The following WNK2 variants were observed in gnomAD, a reference collection of about 807,000 sequenced individuals.
The protein encoded by WNK2 is WNK lysine deficient protein kinase 2, also known as serine/threonine-protein kinase WNK2.
WNK2 carries 67 observed loss-of-function variants against 192.1 expected under a neutral mutation model. The observed-to-expected ratio is 0.35, with a 90% CI of 0.29 to 0.43. WNK2 has a LOEUF of 0.43. WNK2 is among the 20% of genes least tolerant of loss of function. WNK2 has a pLI of 1.00. For synonymous variants in WNK2, 1,439 were observed against 1,393.9 expected (o/e 1.03, Z -0.72); for missense variants, 2,698 against 3,089.7 (o/e 0.87, Z 3.01).
intron 19 of WNK2, among the ~76,000 whole-genome samples, chr9:93,283,995 A>G (rs1045151869): frequency 6.6e-6 from 1 of 152,252 alleles, no homozygotes; most frequent in African/African-American, 2.4e-5. Context: ...ATAGTTGAAG[A>G]AAAGGCAGTG....
At chr9:93,199,034 C>G (rs1463386122) in intron 2 of WNK2, among the ~76,000 whole-genome samples, 1 of 152,242 alleles carries the variant, frequency 6.6e-6, no homozygotes, top group Non-Finnish European at 1.5e-5. Context: ...CCCCCTCCAG[C>G]TGGACCCAGG....
chr9:93,289,273 G>T lies in WNK2; in HGVS notation c.4519G>T (p.Val1507Phe), dbSNP rs370831209. The T allele has an allele frequency of 6.3e-7, 1 of 1,599,480 alleles. No individual in the cohort carries two copies. Among genetic ancestry groups the T allele is most frequent in the African/African-American group, 1.3e-5 (1 of 74,794 alleles). The change falls in exon 20 of 30, where the codon GTC becomes TTC. Residue 1507 changes from valine (V) to phenylalanine (F), a missense_variant. Transcript: ENST00000427277. The part of the protein sequence containing the change: ...APLLPAAVGA[V>F]SLATSQLPSP... ...CCTGCTTCCTGCCGCAGTGGGGGCC[G>T]TCAGCCTGGCCACCTCCCAGCTCCC...
chr9:93,243,906 G>A (rs1414850008), intron 7 of WNK2, among the ~76,000 whole-genome samples: 1 of 152,266 alleles, frequency 6.6e-6, no homozygotes, highest in Non-Finnish European at 1.5e-5. Context: ...AGAGACACTA[G>A]CACCTGGCTC....
chr9:93,256,979 C>T lies in WNK2; in HGVS notation c.2222C>T (p.Pro741Leu), dbSNP rs761013525. ...PPPLAQPTPL[P>L]QVLAPQPVVP... ...CCGCTGGCCCAGCCGACACCCCTGC[C>T]GCAGGTCCTGGCCCCACAGCCCGTG... The change falls in exon 11 of 30, where the codon CCG (proline) becomes CTG (leucine). Residue 741 changes from proline to leucine, a missense_variant. Pro to Leu is a moderately conservative substitution (Grantham distance 98, BLOSUM62 -3). This residue lies in a region of WNK2 where 893 missense variants were observed against 909.0 expected (regional missense o/e 0.98). Transcript: ENST00000427277. 1.3e-5 allele frequency: 21 copies of T among 1,589,616 alleles called. No homozygotes were observed. The highest frequency in any genetic ancestry group is 2.3e-5 in the East Asian group (1 of 43,820).
intron 16 of WNK2, among the ~76,000 whole-genome samples, chr9:93,264,999 G>C (rs1231021974): frequency 6.6e-6 from 1 of 152,236 alleles, no homozygotes; most frequent in East Asian, 1.9e-4. Context: ...TGTGGGCTTT[G>C]CAGGGGGAAG....
At position 93,259,675 on chromosome 9, in the gene WNK2, G is replaced by C; in HGVS notation, c.3066+61G>C. The C allele has an allele frequency of 3.5e-6, 5 of 1,420,776 alleles. No homozygotes were observed. Among genetic ancestry groups the C allele is most frequent in the Non-Finnish European group, 4.6e-6 (5 of 1,076,034 alleles). 88.0% of individuals were successfully genotyped at this position (1,420,776 alleles called of 1,614,324 possible). ...CGTCTGGGGACCCTCAGGACCCAGA[G>C]ATGCAAAGGAGGACAGAGGCAGGCA... On this transcript the variant is annotated intron_variant, in intron 12 of 29. Coordinates refer to ENST00000427277, the MANE Select transcript of WNK2 (RefSeq NM_006648.4). This position sits in a 1 kb window ranked among gnomAD's most constrained non-coding sequence, Gnocchi z 4.8.
chr9:93,289,900 G>A, intron 20 of WNK2, 78 bp from the exon 21 acceptor site: 3 of 1,410,156 alleles, frequency 2.1e-6, no homozygotes, highest in South Asian at 2.5e-5. Context: ...GATGAGGGGA[G>A]TGGATTTGCA....
rs1016051655 is a variant in WNK2 at position 93,257,812 on chromosome 9, A to G, written c.2382+673A>G. 2.6e-5 allele frequency among the ~76,000 whole-genome samples: 4 copies of G among 152,190 alleles called. No homozygotes were observed. Among genetic ancestry groups the G allele is most frequent in the African/African-American group, 4.8e-5 (2 of 41,444 alleles). ...ACTTCTGCTGTCTTTCTCTGGGTAC[A>G]CTGTCTTTCACTCGAGGGACCTGAC... On this transcript the variant is annotated intron_variant, in intron 11 of 29. Coordinates refer to ENST00000427277, the MANE Select transcript of WNK2 (RefSeq NM_006648.4). The surrounding 1 kb of genome is among the most constrained non-coding windows in gnomAD (Gnocchi z 4.7).
chr9:93,234,346 C>G (rs150410960), intron 4 of WNK2, among the ~76,000 whole-genome samples: 47 of 152,312 alleles, frequency 3.1e-4, no homozygotes, highest in African/African-American at 1.1e-3. Context: ...CAGCCTTTCC[C>G]CACTTTGGGA....
At chr9:93,306,511 T>A (rs1852575722) in intron 26 of WNK2, 2 of 441,034 alleles carry the variant, frequency 4.5e-6, no homozygotes, top group Non-Finnish European at 8.0e-6. Context: ...TTTCTTAGAA[T>A]ATGCTTCTAG....
At chr9:93,241,633 C>T (rs898485892) in intron 7 of WNK2, among the ~76,000 whole-genome samples, 7 of 151,948 alleles carry the variant, frequency 4.6e-5, no homozygotes, top group African/African-American at 1.7e-4. Flanking sequence ...AGGTCTGACT[C>T]GGGTGTGGAA....
Position 93,306,757 on chromosome 9 carries a change from C to T in WNK2, c.6215-20C>T, listed in dbSNP as rs773153050. 2.2e-5 allele frequency: 35 copies of T among 1,613,916 alleles called. No homozygotes were observed. Among genetic ancestry groups the T allele is most frequent in the Middle Eastern group, 1.6e-4 (1 of 6,084 alleles). ...TCTGCCTAACCCTGTGGTCTTGTGTCGTTTCTTTTTCCCTTGCAGGGTCTG... is the reference window on the plus strand; with the variant it reads ...TCTGCCTAACCCTGTGGTCTTGTGTTGTTTCTTTTTCCCTTGCAGGGTCTG... On this transcript the variant is annotated intron_variant, in intron 26 of 29. Coordinates refer to ENST00000427277, the MANE Select transcript of WNK2 (RefSeq NM_006648.4).
intron 27 of WNK2, 101 bp downstream of exon 27, chr9:93,306,922 G>A (rs1268565370): frequency 2.0e-6 from 3 of 1,468,458 alleles, no homozygotes; most frequent in Non-Finnish European, 9.5e-7. Context: ...GCGTGGGCCT[G>A]CCCTGTGCCT....
At chr9:93,226,395 T>C (rs1837824681) in intron 2 of WNK2, among the ~76,000 whole-genome samples, 1 of 152,262 alleles carries the variant, frequency 6.6e-6, no homozygotes, top group South Asian at 2.1e-4. Context: ...TGTCTCTTAA[T>C]GTTTCTCTTC....
At chr9:93,299,955 A>T in intron 25 of WNK2, 96 bp from the exon 26 acceptor site, 1 of 974,102 alleles carries the variant, frequency 1.0e-6, no homozygotes, top group Middle Eastern at 2.2e-4. Context: ...ATGTTAAGTG[A>T]CGAGGCTGGT....
At position 93,268,009 on chromosome 9, in the gene WNK2, A is replaced by G; in HGVS notation, c.3868-11A>G. ...TCAGTGGGCTCATTTCTGACCCTCC[A>G]CCTCATTCAGGAGAGCCGACAATCC... On this transcript the variant is annotated splice_polypyrimidine_tract_variant and intron_variant, in intron 17 of 29. Transcript: ENST00000427277. 2 of 1,610,770 alleles carry G rather than the reference A, an allele frequency of 1.2e-6. No homozygotes were observed. The highest frequency in any genetic ancestry group is 1.7e-6 in the Non-Finnish European group (2 of 1,178,700).
rs750362035 is a variant in WNK2 at position 93,256,379 on chromosome 9, C to T, written c.2115C>T (p.Ser705=). ...LQQHFPDPAM[S]FAPVLPPPST... is the part of the protein sequence containing the mutation. ...AGCACTTCCCGGATCCGGCCATGAG[C>T]TTCGCCCCCGTGCTGCCGCCGCCCA... is the stretch of plus-strand genomic sequence containing the variant. The change falls in exon 10 of 30, where the codon AGC becomes AGT. Residue 705 remains serine (S), a synonymous_variant. Transcript: ENST00000427277. 6.4e-7 allele frequency: 1 copy of T among 1,569,344 alleles called. No homozygotes were observed. The highest frequency in any genetic ancestry group is 8.6e-7 in the Non-Finnish European group (1 of 1,163,758).
At chr9:93,279,747 C>T (rs932929355) in intron 19 of WNK2, among the ~76,000 whole-genome samples, 1 of 152,152 alleles carries the variant, frequency 6.6e-6, no homozygotes, top group African/African-American at 2.4e-5. Flanking sequence ...TGGAAATCAA[C>T]CCACACAACC....
chr9:93,255,664 CGTT>C (rs1040705276), intron 9 of WNK2, among the ~76,000 whole-genome samples: 5 of 152,194 alleles, frequency 3.3e-5, no homozygotes, highest in South Asian at 2.1e-4. Context: ...CTCACATTCT[CGTT>C]GTTTTGAAAT....
Sources: allele counts gnomAD v4.1 joint callset (sites outside exome capture counted in the v4.1 genomes callset), GRCh38; gene constraint gnomAD v4.1.1; regional missense constraint gnomAD v4.1.1; non-coding constraint Gnocchi (gnomAD v3.1); transcripts MANE v1.5; gene names NCBI Gene and HGNC (gene_info 2026-07-23, HGNC 2026-07-21).